The following EMC3 variants were observed in gnomAD, a reference collection of about 807,000 sequenced individuals.
EMC3 encodes 30 kDa protein.
EMC3 carries 13 observed loss-of-function variants against 36.6 expected under a neutral mutation model. The ratio of observed to expected loss-of-function variants is 0.35; its 90% CI spans 0.23 to 0.56. The LOEUF (loss-of-function observed/expected upper bound fraction) is 0.56, where lower values mean the gene tolerates loss of function less well. Among genes scored for constraint, EMC3 ranks in the 20% least tolerant of loss-of-function variants. The pLI, the probability that EMC3 is intolerant of heterozygous loss-of-function variation, is 0.84. For missense variants in EMC3, 220 were observed against 324.5 expected, an observed-to-expected ratio of 0.68 and a Z score of 2.47; for synonymous variants, 120 against 111.9, an observed-to-expected ratio of 1.07 and a Z score of -0.46.
chr3:9,965,868 C>A (rs1575671364), intron 7 of EMC3, among the ~76,000 whole-genome samples: 1 of 152,192 alleles, frequency 6.6e-6, no homozygotes, highest in East Asian at 1.9e-4. Flanking sequence ...ACTGTACATA[C>A]AATGTACATT....
At chr3:9,996,598 T>A (rs182994675) in intron 1 of EMC3, among the ~76,000 whole-genome samples, 15 of 152,260 alleles carry the variant, frequency 9.9e-5, no homozygotes, top group Admixed American at 3.3e-4. Flanking sequence ...TCTTCCCCCC[T>A]GCCCTTTCTT....
intron 4 of EMC3, among the ~76,000 whole-genome samples, 175 bp from the exon 5 acceptor site, chr3:9,973,884 A>G (rs558911768): frequency 6.6e-6 from 1 of 152,214 alleles, no homozygotes; most frequent in Non-Finnish European, 1.5e-5. Flanking sequence ...ACTCTGCTCT[A>G]GTTTCCCTGA....
intron 1 of EMC3, among the ~76,000 whole-genome samples, chr3:9,984,090 T>C (rs2085941832): frequency 6.6e-6 from 1 of 152,078 alleles, no homozygotes; most frequent in Non-Finnish European, 1.5e-5. Flanking sequence ...CTTTTTTTTT[T>C]TTTTTTAAAT....
At chr3:9,992,570 A>G (rs1357794294) in intron 1 of EMC3, among the ~76,000 whole-genome samples, 1 of 152,220 alleles carries the variant, frequency 6.6e-6, no homozygotes, top group Non-Finnish European at 1.5e-5. Context: ...GAAAATACAT[A>G]CTGGAGTTGG....
At chr3:9,981,152 TGATCGCACCACTGC>T (rs2085907600) in intron 1 of EMC3, among the ~76,000 whole-genome samples, 2 of 152,342 alleles carry the variant, frequency 1.3e-5, no homozygotes, top group South Asian at 4.1e-4. Flanking sequence ...AAGTGAGCCA[TGATCGCACCACTGC>T]GATCGCAGCC....
rs567686658 is a variant in EMC3 at position 10,008,372 on chromosome 3, C to T, written c.-242+2651G>A. The stretch of plus-strand genomic sequence containing the variant: ...GGCTCCAGGCACCAGGGCAAAAACC[C>T]ACAAACAGAGAAGGTCCTTTCAAGT... On this transcript the variant is annotated intron_variant, in intron 1 of 8. Transcript: ENST00000470827. The T allele has an allele frequency of 5.9e-6, 8 of 1,364,856 alleles. No individual in the cohort carries two copies. In the African/African-American group the frequency reaches 1.2e-4, roughly 20 times the overall value. The allele number at this position is 1,364,856 out of a possible 1,614,324, so 84.5% of individuals were successfully genotyped here.
intron 1 of EMC3, among the ~76,000 whole-genome samples, chr3:9,983,775 A>G (rs193197389): frequency 1.9e-3 from 288 of 152,340 alleles, no homozygotes; most frequent in African/African-American, 6.6e-3. Context: ...CCATTGCTCT[A>G]ATAGTGAACC....
At chr3:9,975,180 T>C (rs1392395511) in intron 3 of EMC3, among the ~76,000 whole-genome samples, 2 of 152,180 alleles carry the variant, frequency 1.3e-5, no homozygotes, top group Non-Finnish European at 1.5e-5. Flanking sequence ...ATTTTTAATG[T>C]CTGCATAGGA....
intron 1 of EMC3, 87 bp downstream of exon 1, chr3:9,986,420 G>C: frequency 6.6e-7 from 1 of 1,519,878 alleles, no homozygotes; most frequent in East Asian, 2.3e-5. Flanking sequence ...GGCGCGACGT[G>C]AACCTAGGCA....
Position 9,963,881 on chromosome 3 carries a change from CCCAGCATACT to C in EMC3, c.*178_*187del. ...ACAACATTTTAAAAATAACAAGTTGCCCAGCATACTCCTATTTCCTCTAGTTTCAAACATA... is the reference window on the plus strand; with the variant it reads ...ACAACATTTTAAAAATAACAAGTTGCCCTATTTCCTCTAGTTTCAAACATA... On this transcript the variant is annotated 3_prime_UTR_variant, in exon 8 of 8. Coordinates refer to ENST00000245046, the MANE Select transcript of EMC3 (RefSeq NM_001394674.1). 13 of 823,366 alleles carry C rather than the reference CCCAGCATACT, an allele frequency of 1.6e-5. No homozygotes were observed. Among genetic ancestry groups the C allele is most frequent in the Non-Finnish European group, 2.4e-5 (13 of 545,766 alleles). The allele number at this position is 823,366 out of a possible 1,614,324, so 51.0% of individuals were successfully genotyped here.
In EMC3 at chr3:9,964,231, AG is replaced by A. The variant is rs767784598; in HGVS notation, c.658-35del. ...GAAGAGAACACCCAGGCAGGAAGAG[AG>A]GGAATTGTTACTGACAGCTGTGGCT... On this transcript the variant is annotated intron_variant, in intron 7 of 7. Transcript: ENST00000245046. 1.9e-6 allele frequency: 3 copies of A among 1,609,982 alleles called. No homozygotes were observed. The Admixed American group carries it at 5.1e-5, about 27-fold the overall frequency.
chr3:9,977,011 C>T lies in EMC3; in HGVS notation c.253G>A (p.Asp85Asn), dbSNP rs2085857030. ...CGTTTAGTTTTTTTGAAAAATCCAT[C>T]CTCTGGGTTGTTGAAATAATATTTT... The part of the protein sequence containing the change: ...TRKYYFNNPE[D>N]GFFKKTKRKV... The change falls in exon 3 of 8, where the codon GAT becomes AAT. Residue 85 changes from aspartate (D) to asparagine (N), a missense_variant. Physicochemically the swap from Asp to Asn is conservative, Grantham distance 23. Coordinates refer to ENST00000245046, the MANE Select transcript of EMC3 (RefSeq NM_001394674.1). The T allele has an allele frequency of 6.2e-7, 1 of 1,611,372 alleles. No homozygotes were observed. The highest frequency in any genetic ancestry group is 8.5e-7 in the Non-Finnish European group (1 of 1,179,358).
intron 1 of EMC3, chr3:10,002,813 C>T (rs146213296): frequency 2.2e-6 from 1 of 456,344 alleles, no homozygotes; most frequent in African/African-American, 2.0e-5. Flanking sequence ...GTGTCTTCCC[C>T]CTCCACGCAG....
chr3:9,999,666 A>G (rs2086173918), intron 1 of EMC3, among the ~76,000 whole-genome samples: 1 of 152,244 alleles, frequency 6.6e-6, no homozygotes, highest in Admixed American at 6.5e-5. Context: ...ACCATTCCCA[A>G]TCACAAATAC....
intron 1 of EMC3, among the ~76,000 whole-genome samples, chr3:9,998,148 C>T (rs187710411): frequency 6.6e-6 from 1 of 151,856 alleles, no homozygotes; most frequent in African/African-American, 2.4e-5. Context: ...GGGCAGATCA[C>T]GAGGTCAGGA....
chr3:9,964,830 T>G (rs541926354), intron 7 of EMC3, among the ~76,000 whole-genome samples: 1 of 152,362 alleles, frequency 6.6e-6, no homozygotes, highest in Non-Finnish European at 1.5e-5. Context: ...ATCATTTAGA[T>G]GTAAACTAGT....
chr3:9,987,120 A>T (rs1384190105), upstream of EMC3: 3 of 817,950 alleles, frequency 3.7e-6, no homozygotes, highest in African/African-American at 3.8e-5. Flanking sequence ...AGGCTGAGGC[A>T]GGAGAATGGC....
intron 7 of EMC3, among the ~76,000 whole-genome samples, chr3:9,967,471 C>G (rs2085745572): frequency 8.5e-6 from 1 of 117,982 alleles, no homozygotes. Context: ...GGAGACTATT[C>G]TTTCCCCACT....
At chr3:9,988,912 T>A (rs1199014813), upstream of EMC3, among the ~76,000 whole-genome samples, 1 of 151,076 alleles carries the variant, frequency 6.6e-6, no homozygotes, top group Non-Finnish European at 1.5e-5. Context: ...TAATCTGAGG[T>A]GGCGACTGGC....
Sources: gnomAD v4.1 joint callset for allele counts (sites outside exome capture counted in the v4.1 genomes callset) on GRCh38, gnomAD v4.1.1 for gene constraint, MANE v1.5 for transcripts, NCBI Gene and HGNC (gene_info 2026-07-23, HGNC 2026-07-21) for gene names.